The following DAGLA variants were observed in gnomAD, a reference collection of about 807,000 sequenced individuals.
DAGLA encodes diacylglycerol lipase-alpha.
DAGLA carries 22 observed loss-of-function variants against 102.6 expected under a neutral mutation model. That is an observed-to-expected ratio of 0.21 (90% CI 0.15 to 0.31). The LOEUF is 0.31. DAGLA is among the 10% of genes least tolerant of loss of function. The pLI is 1.00. For synonymous variants in DAGLA, 578 were observed against 628.9 expected, an observed-to-expected ratio of 0.92 and a Z score of 1.21; for missense variants, 927 against 1,446.6, an observed-to-expected ratio of 0.64 and a Z score of 5.83.
At chr11:61,695,757 T>C (rs2065059800) in intron 1 of DAGLA, among the ~76,000 whole-genome samples, 1 of 152,188 alleles carries the variant, frequency 6.6e-6, no homozygotes, top group Non-Finnish European at 1.5e-5. Context: ...TCTTGCCTTT[T>C]TGGGGTCCAG....
Position 61,719,708 on chromosome 11 carries a change from T to G in DAGLA, c.-44-404T>G, listed in dbSNP as rs150092556. Among the ~76,000 whole-genome samples the G allele has an allele frequency of 8.2e-3, 1,242 of 152,290 alleles. 5 individuals carry two copies. The highest frequency in any genetic ancestry group is 0.024 in the Middle Eastern group (7 of 294). On this transcript the variant is annotated intron_variant, in intron 1 of 19. Coordinates refer to ENST00000257215, the MANE Select transcript of DAGLA (RefSeq NM_006133.3). ...GCTTGTTCTTGGTCTGGGAAGCCCC[T>G]CCCTTGACTCCAAGGACAGTGTGCA...
rs764898095 is a variant in DAGLA, at chr11:61,743,679, G to A, written c.2319G>A (p.Arg773=). The A allele has an allele frequency of 1.4e-4, 228 of 1,601,250 alleles. No individual in the cohort carries two copies. Among genetic ancestry groups the A allele is most frequent in the Non-Finnish European group, 1.9e-4 (223 of 1,176,430 alleles). ...GGCTGGCGGCGGAGCTGCAGGCCCG[G>A]CGGGCACCACTGGCCACCATGGAGA... The part of the protein sequence containing the change: ...QERLAAELQA[R]RAPLATMESL... Residue 773 remains arginine, a synonymous_variant, in exon 20 of 20, where the codon CGG becomes CGA. Transcript: ENST00000257215.
At position 61,741,191 on chromosome 11, in the gene DAGLA, C is replaced by T. The variant is rs762747338; in HGVS notation, c.2013C>T (p.Thr671=). Residue 671 remains threonine (T), a synonymous_variant, in exon 19 of 20, where the codon ACC becomes ACT. Coordinates refer to ENST00000257215, the MANE Select transcript of DAGLA (RefSeq NM_006133.3). ...KVLENYNKGK[T]ALLSAAKVMV... The stretch of plus-strand genomic sequence containing the variant: ...TGGAGAACTACAACAAGGGGAAGAC[C>T]GCTCTGCTCTCTGCAGCCAAGGTCA... 20 of 1,613,406 alleles carry T rather than the reference C, an allele frequency of 1.2e-5. No individual in the cohort carries two copies. The highest frequency in any genetic ancestry group is 2.2e-5 in the East Asian group (1 of 44,884).
At chr11:61,680,849 G>A (rs1023174441) in intron 1 of DAGLA, among the ~76,000 whole-genome samples, 11 of 152,198 alleles carry the variant, frequency 7.2e-5, no homozygotes, top group Non-Finnish European at 1.3e-4. Context: ...GATGGGCACG[G>A]CCTTCGGACT....
intron 3 of DAGLA, among the ~76,000 whole-genome samples, chr11:61,721,775 T>G (rs1011364434): frequency 5.3e-5 from 8 of 152,268 alleles, no homozygotes; most frequent in Admixed American, 4.6e-4. Flanking sequence ...AGGCCCTTTT[T>G]CCTGTGTTAA....
At position 61,741,153 on chromosome 11, in the gene DAGLA, T is replaced by C. The variant is rs770504670; in HGVS notation, c.1984-9T>C. On this transcript the variant is annotated splice_polypyrimidine_tract_variant and intron_variant, in intron 18 of 19. Coordinates refer to ENST00000257215, the MANE Select transcript of DAGLA (RefSeq NM_006133.3). Reference sequence around the variant, plus strand: ...CCACCACCCCCAGCCTCCTCTGTCCTGTCCTCAGGTGCTGGAGAACTACAA... The same window carrying C: ...CCACCACCCCCAGCCTCCTCTGTCCCGTCCTCAGGTGCTGGAGAACTACAA... 11 of 1,609,592 alleles carry C rather than the reference T, an allele frequency of 6.8e-6. No individual in the cohort carries two copies. The South Asian group carries it at 1.2e-4, about 18-fold the overall frequency.
chr11:61,681,893 GCTC>G (rs2064945516), intron 1 of DAGLA, among the ~76,000 whole-genome samples: 1 of 152,210 alleles, frequency 6.6e-6, no homozygotes, highest in African/African-American at 2.4e-5. Flanking sequence ...GCAATTTGCA[GCTC>G]CTCCTAGAGA....
intron 9 of DAGLA, among the ~76,000 whole-genome samples, chr11:61,731,737 C>T (rs952085448): frequency 6.6e-6 from 1 of 152,142 alleles, no homozygotes; most frequent in Non-Finnish European, 1.5e-5. Context: ...ATACATACCT[C>T]GTGGAATTTT....
At chr11:61,720,071 C>T in intron 1 of DAGLA, 41 bp from the exon 2 acceptor site, 2 of 1,441,728 alleles carry the variant, frequency 1.4e-6, no homozygotes, top group South Asian at 1.2e-5. Flanking sequence ...TGGGTGCCTT[C>T]ACCTCCTCAG....
rs370015765 is a variant in DAGLA, at chr11:61,739,460, C to T, written c.1657-5C>T. 74 of 1,612,986 alleles carry T rather than the reference C, an allele frequency of 4.6e-5. No individual in the cohort carries two copies. Among genetic ancestry groups the T allele is most frequent in the Middle Eastern group, 1.7e-4 (1 of 6,060 alleles). ...TCCCCATCTCTCCCACTCCACCCCG[C>T]GCAGTGGCGGATCATCGTGGGGGCC... is the stretch of plus-strand genomic sequence containing the variant. On this transcript the variant is annotated splice_polypyrimidine_tract_variant and splice_region_variant and intron_variant, in intron 16 of 19. Coordinates refer to ENST00000257215, the MANE Select transcript of DAGLA (RefSeq NM_006133.3).
intron 1 of DAGLA, among the ~76,000 whole-genome samples, chr11:61,706,912 T>C (rs534441621): frequency 4.9e-4 from 74 of 152,378 alleles, no homozygotes; most frequent in African/African-American, 1.7e-3. Flanking sequence ...CAGCTGGGCA[T>C]CCCATTAGCA....
At position 61,737,351 on chromosome 11, in the gene DAGLA, G is replaced by T. The variant is rs2065432075; in HGVS notation, c.1514+27G>T. ...TGAGCCATCTGGGGCTTCAGAGTTG[G>T]CTGGGGCAGTTGGGACCAGTGGAGG... is the stretch of plus-strand genomic sequence containing the variant. On this transcript the variant is annotated intron_variant, in intron 14 of 19. Transcript: ENST00000257215. 19 of 1,607,174 alleles carry T rather than the reference G, an allele frequency of 1.2e-5. No homozygotes were observed. In the East Asian group the frequency reaches 3.8e-4, roughly 32 times the overall value.
intron 3 of DAGLA, 135 bp from the exon 4 acceptor site, chr11:61,722,724 A>C: frequency 2.8e-6 from 2 of 708,966 alleles, no homozygotes; most frequent in South Asian, 1.7e-5. Flanking sequence ...GGGGTCTGCT[A>C]ATGGCCCGCT....
chr11:61,729,978 TAGG>T (rs987766239), intron 8 of DAGLA, among the ~76,000 whole-genome samples: 14 of 150,196 alleles, frequency 9.3e-5, no homozygotes, highest in Non-Finnish European at 1.9e-4. Flanking sequence ...GAGGCTGAGG[TAGG>T]AGGATTGCTT....
chr11:61,735,648 C>A lies in DAGLA; in HGVS notation c.1212+4C>A. On this transcript the variant is annotated splice_donor_region_variant and intron_variant, in intron 11 of 19. Coordinates refer to ENST00000257215, the MANE Select transcript of DAGLA (RefSeq NM_006133.3). Reference sequence around the variant, plus strand: ...CCGGGGGACCCTGTCCCCCAAGGTACGCTGCCCATGGCTCCCAGCCCCCGG... The same window carrying A: ...CCGGGGGACCCTGTCCCCCAAGGTAAGCTGCCCATGGCTCCCAGCCCCCGG... The A allele has an allele frequency of 1.2e-6, 2 of 1,613,920 alleles. No homozygotes were observed. Among genetic ancestry groups the A allele is most frequent in the Non-Finnish European group, 1.7e-6 (2 of 1,179,842 alleles).
intron 1 of DAGLA, among the ~76,000 whole-genome samples, chr11:61,696,013 C>T (rs896041424): frequency 2.6e-5 from 4 of 152,242 alleles, no homozygotes; most frequent in Non-Finnish European, 5.9e-5. Context: ...GGCCCAAAGA[C>T]GGCAGCCTGC....
Position 61,722,855 on chromosome 11 carries a change from G to A in DAGLA, c.308-4G>A, listed in dbSNP as rs763680841. ...TCCTTCAGCCAGGCCTGCTCTCCTT[G>A]CAGCCATCCTGGTGATCGAGTTCAT... On this transcript the variant is annotated splice_region_variant and splice_polypyrimidine_tract_variant and intron_variant, in intron 3 of 19. Transcript: ENST00000257215. The A allele has an allele frequency of 6.2e-7, 1 of 1,613,688 alleles. No homozygotes were observed. The highest frequency in any genetic ancestry group is 1.1e-5 in the South Asian group (1 of 91,078).
chr11:61,708,528 C>T (rs1295979107), intron 1 of DAGLA, among the ~76,000 whole-genome samples: 2 of 152,028 alleles, frequency 1.3e-5, no homozygotes, highest in Admixed American at 1.3e-4. Context: ...CTACAGGCTC[C>T]CGCCATCATG....
intron 16 of DAGLA, among the ~76,000 whole-genome samples, chr11:61,738,632 T>C (rs2065447601): frequency 6.6e-6 from 1 of 152,122 alleles, no homozygotes; most frequent in South Asian, 2.1e-4. Context: ...GTGGAGAGGA[T>C]TTGGGTACAG....
Sources: allele counts gnomAD v4.1 joint callset (sites outside exome capture counted in the v4.1 genomes callset), GRCh38; gene constraint gnomAD v4.1.1; transcripts MANE v1.5; gene names NCBI Gene and HGNC (gene_info 2026-07-23, HGNC 2026-07-21).